SPPL3: variants seen among roughly 807,000 people sequenced by gnomAD.
SPPL3 encodes signal peptide peptidase-like 3.
A neutral mutation model predicts 42.4 loss-of-function variants in SPPL3; 5 were observed. The ratio of observed to expected loss-of-function variants is 0.12; its 90% CI spans 0.06 to 0.25. The LOEUF (loss-of-function observed/expected upper bound fraction) is 0.25, where lower values mean the gene tolerates loss of function less well. SPPL3 is among the 10% of genes least tolerant of loss of function. The probability of loss-of-function intolerance (pLI) is 1.00; values close to 1 mark genes in which losing one functional copy is unlikely to be tolerated. For missense variants in SPPL3, 235 were observed against 489.0 expected (o/e 0.48, Z 4.90); for synonymous variants, 195 against 181.8 (o/e 1.07, Z -0.58).
intron 6 of SPPL3, among the ~76,000 whole-genome samples, chr12:120,780,924 T>G (rs1158595165): frequency 6.6e-6 from 1 of 151,920 alleles, no homozygotes; most frequent in Non-Finnish European, 1.5e-5. Flanking sequence ...AAAAAAGGTT[T>G]TAAGGGAAAA....
chr12:120,766,209 G>A, intron 10 of SPPL3, 54 bp downstream of exon 10: 1 of 1,449,470 alleles, frequency 6.9e-7, no homozygotes, highest in Non-Finnish European at 9.3e-7. Flanking sequence ...TGCAAACCGA[G>A]GCACAGGCCA....
intron 1 of SPPL3, among the ~76,000 whole-genome samples, chr12:120,875,555 T>C (rs937487346): frequency 2.0e-5 from 3 of 150,272 alleles, no homozygotes; most frequent in Non-Finnish European, 4.4e-5. Flanking sequence ...TTTGAACCCC[T>C]GAGGTGAAGG....
intron 1 of SPPL3, among the ~76,000 whole-genome samples, chr12:120,897,282 T>C (rs1169728721): frequency 2.0e-5 from 3 of 152,200 alleles, no homozygotes; most frequent in Admixed American, 1.3e-4. Flanking sequence ...CAGCTTTCTT[T>C]ACCCCCGAAG....
rs551589987 is a variant in SPPL3, at chr12:120,807,729, C to T, written c.101+3080G>A. ...AAAAGAACAAGGGAAAGGTGGTAAA[C>T]TCAGCAGGAAAAAAACAAAAACCAA... On this transcript the variant is annotated intron_variant, in intron 2 of 10. Coordinates refer to ENST00000353487, the MANE Select transcript of SPPL3 (RefSeq NM_139015.5). Among the ~76,000 whole-genome samples the T allele has an allele frequency of 3.7e-4, 56 of 151,000 alleles. No homozygotes were observed. The South Asian group carries it at 0.012, about 31-fold the overall frequency.
chr12:120,872,173 A>G (rs998281842), intron 1 of SPPL3, among the ~76,000 whole-genome samples: 1 of 152,204 alleles, frequency 6.6e-6, no homozygotes, highest in Admixed American at 6.5e-5. Context: ...ATTCTGATCC[A>G]TGGTTGGTTG....
At chr12:120,855,925 G>C (rs1427299970) in intron 1 of SPPL3, among the ~76,000 whole-genome samples, 1 of 152,152 alleles carries the variant, frequency 6.6e-6, no homozygotes, top group Non-Finnish European at 1.5e-5. Context: ...AAAATCTCAA[G>C]ACTAAATGCA....
chr12:120,836,576 A>G (rs1303675291), intron 1 of SPPL3, among the ~76,000 whole-genome samples: 1 of 152,180 alleles, frequency 6.6e-6, no homozygotes, highest in African/African-American at 2.4e-5. Context: ...CCAAATGCAG[A>G]TCTGAAGAAT....
intron 1 of SPPL3, among the ~76,000 whole-genome samples, chr12:120,875,043 A>G (rs1292581719): frequency 1.3e-5 from 2 of 152,202 alleles, no homozygotes; most frequent in African/African-American, 4.8e-5. Context: ...CTGAGCCAGC[A>G]TCAACTGCTT....
At chr12:120,873,432 CAGATCTAAGAAACTCAA>C (rs1872988647) in intron 1 of SPPL3, among the ~76,000 whole-genome samples, 1 of 152,126 alleles carries the variant, frequency 6.6e-6, no homozygotes, top group Admixed American at 6.5e-5. Context: ...CATAAACTCA[CAGATCTAAGAAACTCAA>C]AAAGCCCCAA....
chr12:120,854,740 T>C (rs1437540961), intron 1 of SPPL3, among the ~76,000 whole-genome samples: 1 of 152,174 alleles, frequency 6.6e-6, no homozygotes, highest in Non-Finnish European at 1.5e-5. Flanking sequence ...ATCATGAAGT[T>C]ACAAACCTTT....
chr12:120,777,554 T>C (rs1869367267), intron 6 of SPPL3, among the ~76,000 whole-genome samples: 1 of 152,214 alleles, frequency 6.6e-6, no homozygotes, highest in Non-Finnish European at 1.5e-5. Flanking sequence ...TAATAACTAG[T>C]CCTTATAGAA....
At chr12:120,830,653 A>T (rs1036205551) in intron 1 of SPPL3, among the ~76,000 whole-genome samples, 1 of 142,978 alleles carries the variant, frequency 7.0e-6, no homozygotes, top group African/African-American at 2.6e-5. Flanking sequence ...TGAGGAATTC[A>T]GTTCTAAGCT....
At chr12:120,841,499 C>A (rs1198440076) in intron 1 of SPPL3, among the ~76,000 whole-genome samples, 1 of 151,996 alleles carries the variant, frequency 6.6e-6, no homozygotes, top group Non-Finnish European at 1.5e-5. Flanking sequence ...TTATAGAGTC[C>A]TGAAACCTTC....
chr12:120,775,201 A>G (rs756450878), intron 6 of SPPL3, among the ~76,000 whole-genome samples: 54 of 152,250 alleles, frequency 3.5e-4, no homozygotes, highest in Non-Finnish European at 1.9e-4. Context: ...CCCAGGTTGG[A>G]GTGCAGTGGT....
At chr12:120,850,801 A>G (rs796379767) in intron 1 of SPPL3, among the ~76,000 whole-genome samples, 22 of 152,278 alleles carry the variant, frequency 1.4e-4, no homozygotes, top group African/African-American at 5.1e-4. Flanking sequence ...TTCATCTTCT[A>G]GAGGACCACC....
At chr12:120,868,411 C>CA (rs1872821697) in intron 1 of SPPL3, among the ~76,000 whole-genome samples, 2 of 152,322 alleles carry the variant, frequency 1.3e-5, no homozygotes, top group Admixed American at 1.3e-4. Context: ...CCACCAGTAT[C>CA]ACCCAATCAC....
chr12:120,839,607 C>T (rs1391255109), intron 1 of SPPL3, among the ~76,000 whole-genome samples: 1 of 152,100 alleles, frequency 6.6e-6, no homozygotes. Context: ...AAATAGCATA[C>T]TAAAATTCCT....
chr12:120,806,197 A>ATT (rs35141421), intron 2 of SPPL3, among the ~76,000 whole-genome samples: 200 of 144,358 alleles, frequency 1.4e-3, no homozygotes, highest in Middle Eastern at 3.6e-3. Context: ...TTTATGGTCG[A>ATT]TTTTTTTTTT....
chr12:120,878,923 G>A (rs10849809), intron 1 of SPPL3, among the ~76,000 whole-genome samples: 1 of 151,552 alleles, frequency 6.6e-6, no homozygotes, highest in Non-Finnish European at 1.5e-5. Context: ...AGACTAGCTC[G>A]ACCAACATGG....
Sources: gnomAD v4.1 joint callset for allele counts (sites outside exome capture counted in the v4.1 genomes callset) on GRCh38, gnomAD v4.1.1 for gene constraint, MANE v1.5 for transcripts, NCBI Gene and HGNC (gene_info 2026-07-23, HGNC 2026-07-21) for gene names.